Variants in F8 observed in about 807,000 individuals in gnomAD.
F8 encodes antihemophilic factor.
F8 carries 12 observed loss-of-function variants against 140.6 expected under a neutral mutation model. The ratio of observed to expected loss-of-function variants is 0.09; its 90% CI spans 0.05 to 0.14. The LOEUF (loss-of-function observed/expected upper bound fraction) is 0.14. F8 is among the 10% of genes least tolerant of loss of function. F8 has a pLI of 1.00. For synonymous variants in F8, 585 were observed against 614.6 expected, an observed-to-expected ratio of 0.95 and a Z score of 0.71; for missense variants, 1,354 against 1,720.7, an observed-to-expected ratio of 0.79 and a Z score of 3.77.
intron 14 of F8, 38 bp from the exon 15 acceptor site, chrX:154,906,611 G>A: frequency 3.4e-6 from 4 of 1,179,684 alleles, no homozygotes; most frequent in Non-Finnish European, 4.6e-6. Flanking sequence ...ATAATTTTAT[G>A]TACCAAGTGG....
intron 22 of F8, among the ~76,000 whole-genome samples, chrX:154,863,466 T>G (rs965873037): frequency 5.4e-5 from 6 of 111,529 alleles, no homozygotes; most frequent in Non-Finnish European, 1.1e-4. Flanking sequence ...ATTTTCTACT[T>G]TGAGTTCCTG....
intron 6 of F8, among the ~76,000 whole-genome samples, chrX:154,975,563 G>A: frequency 8.9e-6 from 1 of 112,340 alleles, no homozygotes; most frequent in Non-Finnish European, 1.9e-5. Context: ...TTCCGTAAAT[G>A]TCTGTTTGCT....
intron 13 of F8, among the ~76,000 whole-genome samples, chrX:154,934,236 T>C (rs1213554602): frequency 8.9e-6 from 1 of 112,068 alleles, no homozygotes; most frequent in Non-Finnish European, 1.9e-5. Flanking sequence ...TGGATGCTCA[T>C]GGCTGGCAGA....
At chrX:154,976,100 G>A in intron 6 of F8, among the ~76,000 whole-genome samples, 1 of 111,411 alleles carries the variant, frequency 9.0e-6, no homozygotes. Context: ...TTCGCCATTT[G>A]GCCAGGCTGG....
At chrX:154,979,078 T>C (rs1557283279) in intron 6 of F8, among the ~76,000 whole-genome samples, 1 of 111,883 alleles carries the variant, frequency 8.9e-6, no homozygotes, top group Non-Finnish European at 1.9e-5. Context: ...AGTGGTTTAC[T>C]TGGGTGCCAG....
intron 1 of F8, among the ~76,000 whole-genome samples, chrX:155,013,699 A>G (rs1214606497): frequency 8.9e-6 from 1 of 111,961 alleles, no homozygotes; most frequent in African/African-American, 3.3e-5. Flanking sequence ...TGCCATAACA[A>G]AATACTAGAG....
At chrX:154,952,785 G>A (rs1242630011) in intron 12 of F8, among the ~76,000 whole-genome samples, 4 of 110,926 alleles carry the variant, frequency 3.6e-5, no homozygotes, top group South Asian at 3.8e-4. Flanking sequence ...CTCGTGATCC[G>A]CCTGCCTCGG....
rs782441427 is a variant in F8 at position 154,836,510 on chromosome X, G to C, written c.*1087C>G. ...CTGACCTCCTTGATATTTCAACTATGTAAGTAGGACTCTAGTTTTCAGTCA... is the reference window on the plus strand; with the variant it reads ...CTGACCTCCTTGATATTTCAACTATCTAAGTAGGACTCTAGTTTTCAGTCA... On this transcript the variant is annotated 3_prime_UTR_variant, in exon 26 of 26. Coordinates refer to ENST00000360256, the MANE Select transcript of F8 (RefSeq NM_000132.4). 10 of 111,683 alleles carry C rather than the reference G, an allele frequency of 9.0e-5. No homozygotes were observed. The highest frequency in any genetic ancestry group is 1.5e-4 in the Non-Finnish European group (8 of 53,182). The allele number at this position is 111,683 out of a possible 1,213,427, so 9.2% of individuals were successfully genotyped here.
rs376074662 is a variant in F8, at chrX:154,931,481, G to C, written c.2309C>G (p.Thr770Ser). 3 of 1,211,606 alleles carry C rather than the reference G, an allele frequency of 2.5e-6. No individual in the cohort carries two copies. Among genetic ancestry groups the C allele is most frequent in the Non-Finnish European group, 2.2e-6 (2 of 895,170 alleles). ...SFSQNSRHPS[T>S]RQKQFNATTI... ...GGTGGCATTAAATTGCTTTTGCCTA[G>C]TGCTAGGGTGTCTTGAATTCTGGGA... The change falls in exon 14 of 26, where the codon ACT (threonine) becomes AGT (serine). Residue 770 changes from threonine to serine, a missense_variant. Physicochemically the swap from Thr to Ser is moderately conservative, Grantham distance 58. This residue lies in a region of F8 where 658 missense variants were observed against 666.5 expected (regional missense o/e 0.99). Transcript: ENST00000360256.
intron 22 of F8, among the ~76,000 whole-genome samples, chrX:154,869,533 C>T (rs782453135): frequency 1.8e-5 from 2 of 111,814 alleles, no homozygotes; most frequent in South Asian, 7.4e-4. Context: ...ATTTCTGGGA[C>T]ACACTTAAAG....
chrX:154,920,839 GCTTT>G (rs2073126519), intron 14 of F8, among the ~76,000 whole-genome samples: 1 of 111,893 alleles, frequency 8.9e-6, no homozygotes, highest in Non-Finnish European at 1.9e-5. Context: ...TTTTAAAATA[GCTTT>G]CTTTGTCTTT....
chrX:154,874,258 A>G (rs2072795727), intron 22 of F8, among the ~76,000 whole-genome samples: 1 of 112,955 alleles, frequency 8.9e-6, no homozygotes, highest in Admixed American at 9.3e-5. Context: ...AAACACAATG[A>G]GATATTCCCT....
At chrX:155,003,224 T>C (rs2073657106) in intron 1 of F8, among the ~76,000 whole-genome samples, 1 of 111,046 alleles carries the variant, frequency 9.0e-6, no homozygotes, top group Non-Finnish European at 1.9e-5. Context: ...CAATGACAGA[T>C]GTATATCATA....
chrX:154,913,054 A>G (rs1257464121), intron 14 of F8, among the ~76,000 whole-genome samples: 1 of 111,073 alleles, frequency 9.0e-6, no homozygotes, highest in Non-Finnish European at 1.9e-5. Flanking sequence ...GCCCTTGCCC[A>G]CAATTCCATA....
chrX:154,929,340 T>C lies in F8; in HGVS notation c.4450A>G (p.Ser1484Gly), dbSNP rs781802039. The stretch of plus-strand genomic sequence containing the variant: ...TTGTATGTGACTGAATTTGTGGCAC[T>C]TGTCCCCAGGGAGCCAACCTCTCTT... The part of the protein sequence containing the change: ...DQREVGSLGT[S>G]ATNSVTYKKV... Residue 1484 changes from serine (S) to glycine (G), a missense_variant, in exon 14 of 26, where the codon AGT becomes GGT. This residue lies in a region of F8 where 658 missense variants were observed against 666.5 expected (regional missense o/e 0.99). Coordinates refer to ENST00000360256, the MANE Select transcript of F8 (RefSeq NM_000132.4). 6.6e-6 allele frequency: 8 copies of C among 1,210,459 alleles called. No individual in the cohort carries two copies. The East Asian group carries it at 2.4e-4, about 36-fold the overall frequency.
At position 154,999,465 on chromosome X, in the gene F8, A is replaced by T; in HGVS notation, c.265+14T>A. 1 of 1,201,623 alleles carries T rather than the reference A, an allele frequency of 8.3e-7. No homozygotes were observed. The highest frequency in any genetic ancestry group is 1.1e-6 in the Non-Finnish European group (1 of 888,554). On this transcript the variant is annotated intron_variant, in intron 2 of 25. Coordinates refer to ENST00000360256, the MANE Select transcript of F8 (RefSeq NM_000132.4). ...CCCAATTTCATAAATAGCATTCAAC[A>T]TTGTTTTCATTACCCATCCAGGGTG...
chrX:154,906,249 T>C (rs782369694), intron 15 of F8, among the ~76,000 whole-genome samples, 171 bp downstream of exon 15: 2 of 111,890 alleles, frequency 1.8e-5, no homozygotes, highest in Non-Finnish European at 3.8e-5. Context: ...CATGGTATAA[T>C]TTGAATACAT....
At position 154,957,073 on chromosome X, in the gene F8, G is replaced by A. The variant is rs137852416; in HGVS notation, c.1636C>T (p.Arg546Trp). 1 of 1,209,619 alleles carries A rather than the reference G, an allele frequency of 8.3e-7. No individual in the cohort carries two copies. The highest frequency in any genetic ancestry group is 1.1e-6 in the Non-Finnish European group (1 of 893,755). Residue 546 changes from arginine to tryptophan, a missense_variant, in exon 11 of 26, where the codon CGG becomes TGG. Arg to Trp is a moderately radical substitution (Grantham distance 101). This residue lies in a region of F8 where 252 missense variants were observed against 338.5 expected (regional missense o/e 0.74). Transcript: ENST00000360256. ...CTAGAGTAATAGCGGGTCAGGCACCGAGGATCTGATTTAGTTGGCCCATCT... is the reference window on the plus strand; with the variant it reads ...CTAGAGTAATAGCGGGTCAGGCACCAAGGATCTGATTTAGTTGGCCCATCT... ...VEDGPTKSDP[R>W]CLTRYYSSFV...
chrX:154,847,595 A>G (rs1557271840), intron 25 of F8, among the ~76,000 whole-genome samples: 1 of 112,370 alleles, frequency 8.9e-6, no homozygotes, highest in Non-Finnish European at 1.9e-5. Context: ...AAGCTTATGC[A>G]TTCGTCACAT....
Sources: gnomAD v4.1 joint callset for allele counts (sites outside exome capture counted in the v4.1 genomes callset) on GRCh38, gnomAD v4.1.1 for gene constraint, gnomAD v4.1.1 regional missense constraint, MANE v1.5 for transcripts, NCBI Gene and HGNC (gene_info 2026-07-23, HGNC 2026-07-21) for gene names.